AXIN2: variants seen among roughly 807,000 people sequenced by gnomAD.
The protein encoded by AXIN2 is axin 2.
A neutral mutation model predicts 74.7 loss-of-function variants in AXIN2; 21 were observed. That is an observed-to-expected ratio of 0.28 (90% CI 0.20 to 0.40). The LOEUF is 0.40. AXIN2 is among the 10% of genes least tolerant of loss of function. The probability of loss-of-function intolerance (pLI) is 1.00; values close to 1 mark genes in which losing one functional copy is unlikely to be tolerated. For missense variants in AXIN2, 1,144 were observed against 1,111.1 expected, an observed-to-expected ratio of 1.03 and a Z score of -0.42; for synonymous variants, 532 against 454.9, an observed-to-expected ratio of 1.17 and a Z score of -2.16.
chr17:65,538,061 C>T, intron 5 of AXIN2, 142 bp downstream of exon 5: 3 of 1,477,370 alleles, frequency 2.0e-6, no homozygotes, highest in South Asian at 2.4e-5. Flanking sequence ...CACGCCCAGG[C>T]ACACACCCAC....
At chr17:65,541,425 A>T in intron 4 of AXIN2, 30 bp downstream of exon 4, 1 of 1,576,406 alleles carries the variant, frequency 6.3e-7, no homozygotes, top group Non-Finnish European at 8.7e-7. Flanking sequence ...GGCAGAAAAC[A>T]GCTGTCTCCT....
chr17:65,550,346 G>T (rs1443496851), intron 2 of AXIN2, among the ~76,000 whole-genome samples: 1 of 152,198 alleles, frequency 6.6e-6, no homozygotes, highest in African/African-American at 2.4e-5. Context: ...CAGCAGGATT[G>T]AAATGAGCAA....
intron 2 of AXIN2, among the ~76,000 whole-genome samples, chr17:65,552,343 G>A (rs1165574804): frequency 6.6e-6 from 1 of 152,212 alleles, no homozygotes; most frequent in Non-Finnish European, 1.5e-5. Context: ...GTGGGGACAG[G>A]CTGTGAAATC....
chr17:65,531,916 C>T (rs1316383848), intron 10 of AXIN2, among the ~76,000 whole-genome samples: 2 of 152,278 alleles, frequency 1.3e-5, no homozygotes, highest in East Asian at 3.9e-4. Flanking sequence ...CGGCCCCAAC[C>T]TCACTGGGTC....
chr17:65,533,508 TCCTA>T (rs1258056959), intron 10 of AXIN2, among the ~76,000 whole-genome samples: 1 of 152,152 alleles, frequency 6.6e-6, no homozygotes, highest in East Asian at 1.9e-4. Context: ...AGACCCTCCC[TCCTA>T]ATCAGTGTGC....
At position 65,535,668 on chromosome 17, in the gene AXIN2, G is replaced by A. The variant is rs373911689; in HGVS notation, c.2195C>T (p.Thr732Met). 35 of 1,614,076 alleles carry A rather than the reference G, an allele frequency of 2.2e-5. No individual in the cohort carries two copies. Among genetic ancestry groups the A allele is most frequent in the Admixed American group, 8.3e-5 (5 of 60,014 alleles). The change falls in exon 9 of 11, where the codon ACG (threonine) becomes ATG (methionine). Residue 732 changes from threonine (T) to methionine (M), a missense_variant. This residue lies in a region of AXIN2 where 1,053 missense variants were observed against 973.5 expected (regional missense o/e 1.08). Coordinates refer to ENST00000307078, the MANE Select transcript of AXIN2 (RefSeq NM_004655.4). ...TGGATTGGAGAAGGGTGTGGCTCCC[G>A]TCTGAACAGTGGCCGAATGATTCCT... ...RDRNHSATVQ[T>M]GATPFSNPSL...
chr17:65,549,905 A>G (rs564476250), intron 2 of AXIN2, among the ~76,000 whole-genome samples: 10 of 151,890 alleles, frequency 6.6e-5, no homozygotes, highest in African/African-American at 2.4e-4. Context: ...GCCAGGGCAG[A>G]GAGTATTCCA....
rs1476148267 is a variant in AXIN2 at position 65,536,920 on chromosome 17, A to G, written c.1856T>C (p.Val619Ala). 4 of 1,613,526 alleles carry G rather than the reference A, an allele frequency of 2.5e-6. No individual in the cohort carries two copies. In the East Asian group the frequency reaches 8.9e-5, roughly 36 times the overall value. Residue 619 changes from valine (V) to alanine (A), a missense_variant, in exon 7 of 11, where the codon GTC (valine) becomes GCC (alanine). Val to Ala is a moderately conservative substitution (Grantham distance 64, BLOSUM62 0). This residue lies in a region of AXIN2 where 1,053 missense variants were observed against 973.5 expected (regional missense o/e 1.08). Coordinates refer to ENST00000307078, the MANE Select transcript of AXIN2 (RefSeq NM_004655.4). ...CTCACTCTCCAGCATCCACTGCCAG[A>G]CATCCTGCGACCTGTCTCCTTCCTC... is the stretch of plus-strand genomic sequence containing the variant. ...PREEGDRSQD[V>A]WQWMLESERQ...
chr17:65,546,053 C>T (rs1157611126), intron 3 of AXIN2, among the ~76,000 whole-genome samples: 3 of 150,078 alleles, frequency 2.0e-5, no homozygotes, highest in Non-Finnish European at 3.0e-5. Flanking sequence ...TCCCTCTCCC[C>T]CCCTCCCCAG....
chr17:65,538,033 G>A, intron 5 of AXIN2, 170 bp downstream of exon 5: 1 of 1,364,774 alleles, frequency 7.3e-7, no homozygotes, highest in South Asian at 1.3e-5. Flanking sequence ...CGCAACCCAT[G>A]CACATGCGCA....
chr17:65,537,163 A>C, intron 6 of AXIN2, 100 bp from the exon 7 acceptor site: 1 of 1,544,276 alleles, frequency 6.5e-7, no homozygotes, highest in Non-Finnish European at 8.8e-7. Flanking sequence ...TGGTGACACG[A>C]AAGACCCATG....
At chr17:65,534,217 G>T in intron 9 of AXIN2, 138 bp from the exon 10 acceptor site, 1 of 1,099,562 alleles carries the variant, frequency 9.1e-7, no homozygotes, top group Non-Finnish European at 1.4e-6. Flanking sequence ...CAAAGTGGGG[G>T]CTGGGGCAGA....
At chr17:65,551,552 G>A (rs981071238) in intron 2 of AXIN2, among the ~76,000 whole-genome samples, 42 of 152,158 alleles carry the variant, frequency 2.8e-4, no homozygotes, top group African/African-American at 9.9e-4. Flanking sequence ...GGAAAGGAGG[G>A]GTAGGTACAG....
rs150734114 is a variant in AXIN2 at position 65,533,994 on chromosome 17, T to C, written c.2323A>G (p.Ile775Val). The stretch of plus-strand genomic sequence containing the variant: ...GCCTTCAGCATCCTCCGGTATGGAA[T>C]TTCTTCCCCACAGAAAAAGTAAGTG... The part of the protein sequence containing the change: ...VVTYFFCGEE[I>V]PYRRMLKAQS... The change falls in exon 10 of 11, where the codon ATT (isoleucine) becomes GTT (valine). Residue 775 changes from isoleucine to valine, a missense_variant. By Grantham distance (29) the Ile-to-Val change is conservative (BLOSUM62 3). This residue lies in a region of AXIN2 where 65 missense variants were observed against 95.7 expected (regional missense o/e 0.68). Coordinates refer to ENST00000307078, the MANE Select transcript of AXIN2 (RefSeq NM_004655.4). 1.2e-6 allele frequency: 2 copies of C among 1,614,194 alleles called. No homozygotes were observed. The highest frequency in any genetic ancestry group is 1.6e-4 in the Middle Eastern group (1 of 6,062).
chr17:65,546,744 A>T (rs1452852898), intron 3 of AXIN2, among the ~76,000 whole-genome samples: 1 of 152,202 alleles, frequency 6.6e-6, no homozygotes, highest in Non-Finnish European at 1.5e-5. Context: ...CAACACCACC[A>T]GGACGAACAG....
chr17:65,557,870 A>G lies in AXIN2; in HGVS notation c.751T>C (p.Ser251Pro), dbSNP rs2144582352. 6.2e-7 allele frequency: 1 copy of G among 1,614,208 alleles called. No individual in the cohort carries two copies. The highest frequency in any genetic ancestry group is 8.5e-7 in the Non-Finnish European group (1 of 1,180,036). Reference protein sequence around the residue: ...CKLSPTVVGLSSKTLRATASV... With the variant: ...CKLSPTVVGLPSKTLRATASV... Reference sequence around the variant, plus strand: ...GCCGTGGCCCTCAGAGTTTTGCTGGACAAGCCAACCACGGTTGGCGAAAGT... The same window carrying G: ...GCCGTGGCCCTCAGAGTTTTGCTGGGCAAGCCAACCACGGTTGGCGAAAGT... The change falls in exon 2 of 11, where the codon TCC becomes CCC. Residue 251 changes from serine to proline, a missense_variant. Physicochemically the swap from Ser to Pro is moderately conservative, Grantham distance 74 (BLOSUM62 -1). Coordinates refer to ENST00000307078, the MANE Select transcript of AXIN2 (RefSeq NM_004655.4).
intron 9 of AXIN2, among the ~76,000 whole-genome samples, chr17:65,535,285 T>A (rs910967015): frequency 2.0e-5 from 3 of 152,192 alleles, no homozygotes; most frequent in Admixed American, 6.5e-5. Context: ...TGGAGAATGA[T>A]CTTTCTGCTC....
chr17:65,537,020 T>C lies in AXIN2; in HGVS notation c.1756A>G (p.Thr586Ala), dbSNP rs747878470. ...STLPKRNGKGTEPGLALPARE... is the reference protein window; with the variant it reads ...STLPKRNGKGAEPGLALPARE... ...GCGGGCAGGGCCAGGCCCGGCTCCG[T>C]GCCTTTCCCATTGCGTTTGGGCAAG... Residue 586 changes from threonine to alanine, a missense_variant, in exon 7 of 11, where the codon ACG becomes GCG. Around this residue, in one of 4 missense-constraint regions of AXIN2, gnomAD observed 1,053 missense variants for 973.5 expected, o/e 1.08. Transcript: ENST00000307078. 1.2e-6 allele frequency: 2 copies of C among 1,610,570 alleles called. No homozygotes were observed. Among genetic ancestry groups the C allele is most frequent in the South Asian group, 2.2e-5 (2 of 91,060 alleles).
rs1305562386 is a variant in AXIN2 at position 65,537,013 on chromosome 17, G to A, written c.1763C>T (p.Pro588Leu). 3 of 1,611,094 alleles carry A rather than the reference G, an allele frequency of 1.9e-6. No homozygotes were observed. Among genetic ancestry groups the A allele is most frequent in the African/African-American group, 1.3e-5 (1 of 75,018 alleles). ...LPKRNGKGTE[P>L]GLALPAREGG... The stretch of plus-strand genomic sequence containing the variant: ...TTCCCTGGCGGGCAGGGCCAGGCCC[G>A]GCTCCGTGCCTTTCCCATTGCGTTT... Residue 588 changes from proline to leucine, a missense_variant, in exon 7 of 11, where the codon CCG becomes CTG. Physicochemically the swap from Pro to Leu is moderately conservative, Grantham distance 98 (BLOSUM62 -3). This residue lies in a region of AXIN2 where 1,053 missense variants were observed against 973.5 expected (regional missense o/e 1.08). Transcript: ENST00000307078.
Sources: gnomAD v4.1 joint callset for allele counts (sites outside exome capture counted in the v4.1 genomes callset) on GRCh38, gnomAD v4.1.1 for gene constraint, gnomAD v4.1.1 regional missense constraint, MANE v1.5 for transcripts, NCBI Gene and HGNC (gene_info 2026-07-23, HGNC 2026-07-21) for gene names.